Variants in AUTS2 observed in about 807,000 individuals in gnomAD.
AUTS2 encodes the protein activator of transcription and developmental regulator AUTS2, also known as autism susceptibility gene 2 protein.
AUTS2 carries 17 observed loss-of-function variants against 112.4 expected under a neutral mutation model. The ratio of observed to expected loss-of-function variants is 0.15; its 90% CI spans 0.10 to 0.23. The LOEUF (loss-of-function observed/expected upper bound fraction) is 0.23. Among genes scored for constraint, AUTS2 ranks in the 10% least tolerant of loss-of-function variants. The pLI, the probability that AUTS2 is intolerant of heterozygous loss-of-function variation, is 1.00. For missense variants in AUTS2, 1,510 were observed against 1,701.6 expected, an observed-to-expected ratio of 0.89 and a Z score of 1.98; for synonymous variants, 751 against 702.7, an observed-to-expected ratio of 1.07 and a Z score of -1.09.
intron 4 of AUTS2, among the ~76,000 whole-genome samples, chr7:70,426,012 C>CATTTA (rs139586681): frequency 0.016 from 2,437 of 152,262 alleles, 62 homozygotes; most frequent in African/African-American, 0.056. Context: ...TCAATAGCCC[C>CATTTA]ATTTAATAGA....
intron 4 of AUTS2, among the ~76,000 whole-genome samples, chr7:70,366,262 A>G (rs188085485): frequency 6.6e-6 from 1 of 152,322 alleles, no homozygotes; most frequent in Admixed American, 6.5e-5. Context: ...ATAACACATT[A>G]TAAGTTATAT....
chr7:69,603,026 G>A (rs1405605542), intron 1 of AUTS2, among the ~76,000 whole-genome samples: 2 of 152,166 alleles, frequency 1.3e-5, no homozygotes, highest in Non-Finnish European at 2.9e-5. Context: ...ATGTGTGTTG[G>A]GGGAGTGTTT....
At chr7:69,841,405 A>G (rs1220671196) in intron 1 of AUTS2, among the ~76,000 whole-genome samples, 1 of 152,120 alleles carries the variant, frequency 6.6e-6, no homozygotes, top group African/African-American at 2.4e-5. Flanking sequence ...AGAACTCACT[A>G]TCACAAAGAC....
chr7:70,036,478 G>A (rs561616749), intron 2 of AUTS2, among the ~76,000 whole-genome samples: 10 of 152,338 alleles, frequency 6.6e-5, no homozygotes, highest in African/African-American at 2.2e-4. Flanking sequence ...CTGTCCCGTG[G>A]TTTAATATTG....
At chr7:70,351,300 C>T (rs1204597491) in intron 4 of AUTS2, among the ~76,000 whole-genome samples, 3 of 152,004 alleles carry the variant, frequency 2.0e-5, no homozygotes, top group Non-Finnish European at 4.4e-5. Context: ...GCGATCCACC[C>T]GCCTCAGCCT....
intron 5 of AUTS2, among the ~76,000 whole-genome samples, chr7:70,582,121 T>C (rs1802476907): frequency 6.6e-6 from 1 of 152,120 alleles, no homozygotes; most frequent in South Asian, 2.1e-4. Flanking sequence ...AATGAGTTGT[T>C]TTATTCTTTG....
chr7:70,361,277 G>T (rs1792250298), intron 4 of AUTS2, among the ~76,000 whole-genome samples: 1 of 151,980 alleles, frequency 6.6e-6, no homozygotes, highest in Non-Finnish European at 1.5e-5. Flanking sequence ...AGCTTGCAGT[G>T]AGCCGAGATC....
chr7:70,768,597 CTTAA>C (rs1176302292), intron 10 of AUTS2, among the ~76,000 whole-genome samples: 1 of 152,016 alleles, frequency 6.6e-6, no homozygotes, highest in Non-Finnish European at 1.5e-5. Flanking sequence ...AAAAATATCA[CTTAA>C]TTAAAAGAAA....
intron 4 of AUTS2, among the ~76,000 whole-genome samples, chr7:70,378,295 C>G (rs1414693952): frequency 6.6e-6 from 1 of 152,176 alleles, no homozygotes; most frequent in African/African-American, 2.4e-5. Flanking sequence ...TCAGAAGTGG[C>G]TATTGAAATA....
intron 1 of AUTS2, among the ~76,000 whole-genome samples, chr7:69,705,056 G>A (rs1370654241): frequency 1.3e-5 from 2 of 152,060 alleles, no homozygotes; most frequent in Admixed American, 1.3e-4. Context: ...TTGTAGAGAC[G>A]GGGTTTCACC....
At chr7:70,111,776 A>C (rs1044044140) in intron 2 of AUTS2, among the ~76,000 whole-genome samples, 8 of 152,094 alleles carry the variant, frequency 5.3e-5, no homozygotes, top group Non-Finnish European at 1.2e-4. Context: ...CTTCTTAAAA[A>C]CTTTAGACTG....
intron 2 of AUTS2, among the ~76,000 whole-genome samples, chr7:70,050,355 C>CAAAAAAA (rs60714093): frequency 5.5e-5 from 4 of 72,872 alleles, no homozygotes; most frequent in Non-Finnish European, 9.7e-5. Context: ...GACTCTGTCT[C>CAAAAAAA]AAAAAAAAAA....
At chr7:70,473,297 C>T (rs1439993145) in intron 5 of AUTS2, among the ~76,000 whole-genome samples, 2 of 152,108 alleles carry the variant, frequency 1.3e-5, no homozygotes, top group East Asian at 3.8e-4. Context: ...CCAGAGTAAA[C>T]GTTAGCCTGT....
At chr7:70,545,314 G>A (rs900843803) in intron 5 of AUTS2, among the ~76,000 whole-genome samples, 4 of 152,182 alleles carry the variant, frequency 2.6e-5, no homozygotes, top group East Asian at 1.9e-4. Flanking sequence ...GCTGGGCTGC[G>A]GGCATGCTGT....
chr7:69,624,850 A>T, intron 1 of AUTS2, among the ~76,000 whole-genome samples: 1 of 152,198 alleles, frequency 6.6e-6, no homozygotes. Context: ...GCACAAAGGA[A>T]CTGAAATCTG....
chr7:69,766,033 T>G (rs1788406367), intron 1 of AUTS2, among the ~76,000 whole-genome samples: 1 of 152,196 alleles, frequency 6.6e-6, no homozygotes, highest in African/African-American at 2.4e-5. Context: ...ATTTACATCA[T>G]TGTGCAACCA....
At chr7:70,485,824 G>T (rs553652295) in intron 5 of AUTS2, among the ~76,000 whole-genome samples, 9 of 152,110 alleles carry the variant, frequency 5.9e-5, no homozygotes, top group Admixed American at 1.3e-4. Flanking sequence ...CAGCGAGGGT[G>T]CTGGCACCTG....
intron 4 of AUTS2, among the ~76,000 whole-genome samples, chr7:70,224,468 A>G (rs868472736): frequency 6.6e-6 from 1 of 152,204 alleles, no homozygotes; most frequent in African/African-American, 2.4e-5. Flanking sequence ...GGAAGAAAGT[A>G]TTTTTATACA....
At chr7:70,410,636 T>G (rs895864253) in intron 4 of AUTS2, among the ~76,000 whole-genome samples, 1 of 151,500 alleles carries the variant, frequency 6.6e-6, no homozygotes, top group Non-Finnish European at 1.5e-5. Flanking sequence ...TCTCTCAGGC[T>G]GGTCTGAAAC....
Sources: gnomAD v4.1 joint callset for allele counts (sites outside exome capture counted in the v4.1 genomes callset) on GRCh38, gnomAD v4.1.1 for gene constraint, MANE v1.5 for transcripts, NCBI Gene and HGNC (gene_info 2026-07-23, HGNC 2026-07-21) for gene names.